Variants in TAFA1 observed in about 807,000 individuals in gnomAD.
The protein encoded by TAFA1 is chemokine-like protein TAFA-1.
A neutral mutation model predicts 18.5 loss-of-function variants in TAFA1; 4 were observed. The ratio of observed to expected loss-of-function variants is 0.22; its 90% confidence interval spans 0.11 to 0.49. TAFA1 has a LOEUF of 0.49. Among genes scored for constraint, TAFA1 ranks in the 20% least tolerant of loss-of-function variants. The pLI is 0.98. For synonymous variants in TAFA1, 56 were observed against 55.2 expected, an observed-to-expected ratio of 1.01 and a Z score of -0.06; for missense variants, 147 against 169.0, an observed-to-expected ratio of 0.87 and a Z score of 0.72.
chr3:68,238,758 G>T (rs1483289112), intron 2 of TAFA1, among the ~76,000 whole-genome samples: 1 of 151,846 alleles, frequency 6.6e-6, no homozygotes, highest in East Asian at 1.9e-4. Flanking sequence ...ACACTTTTTT[G>T]CCTAGTTCTC....
At chr3:68,210,014 T>C (rs1235063524) in intron 2 of TAFA1, among the ~76,000 whole-genome samples, 8 of 152,010 alleles carry the variant, frequency 5.3e-5, no homozygotes, top group African/African-American at 1.9e-4. Context: ...CATCACAATT[T>C]TTTTCCCCTT....
chr3:68,204,849 A>G (rs2066507863), intron 2 of TAFA1, among the ~76,000 whole-genome samples: 1 of 151,874 alleles, frequency 6.6e-6, no homozygotes, highest in Admixed American at 6.6e-5. Context: ...ACAAAGATAT[A>G]CAGTTACCTA....
intron 3 of TAFA1, among the ~76,000 whole-genome samples, chr3:68,436,815 G>C (rs1436190716): frequency 6.6e-6 from 1 of 152,090 alleles, no homozygotes; most frequent in Non-Finnish European, 1.5e-5. Context: ...AATAACCCCT[G>C]GCACTCAGGA....
At chr3:68,082,085 G>A (rs9823155) in intron 2 of TAFA1, among the ~76,000 whole-genome samples, 77,174 of 152,042 alleles carry the variant, frequency 0.51, 19,983 homozygotes, top group South Asian at 0.64. Flanking sequence ...TCCAGTTGCC[G>A]TCCGTCACCC....
chr3:68,454,825 C>G (rs986227513), intron 3 of TAFA1, among the ~76,000 whole-genome samples: 5 of 152,182 alleles, frequency 3.3e-5, no homozygotes, highest in African/African-American at 1.2e-4. Context: ...GCTAGGGTGG[C>G]ATCCAGGAAT....
At chr3:68,355,491 G>A (rs1250330306) in intron 2 of TAFA1, among the ~76,000 whole-genome samples, 1 of 151,908 alleles carries the variant, frequency 6.6e-6, no homozygotes, top group Non-Finnish European at 1.5e-5. Flanking sequence ...TATATGTGAA[G>A]GGCTTAGACA....
chr3:68,331,856 C>CTTTTTTTTTTTTT lies in TAFA1; in HGVS notation c.119-85411_119-85399dup, dbSNP rs60291932. ...TGGGTAAAGGATAGTCTTTTCTTTT[C>CTTTTTTTTTTTTT]TTTTTTTTTTTTTTTTTTTTTTTTT... On this transcript the variant is annotated intron_variant, in intron 2 of 4. Coordinates refer to ENST00000478136, the MANE Select transcript of TAFA1 (RefSeq NM_213609.4). Among the ~76,000 whole-genome samples the CTTTTTTTTTTTTT allele has an allele frequency of 5.5e-3, 418 of 76,186 alleles. 15 individuals carry two copies. The highest frequency in any genetic ancestry group is 8.7e-3 in the South Asian group (14 of 1,602). The allele number at this position is 76,186 out of a possible 152,430, so 50.0% of individuals were successfully genotyped here.
At chr3:68,458,934 C>T (rs559180689) in intron 3 of TAFA1, among the ~76,000 whole-genome samples, 7 of 152,120 alleles carry the variant, frequency 4.6e-5, no homozygotes, top group East Asian at 3.9e-4. Context: ...TATTGAGTAA[C>T]GACTTCAGGA....
chr3:68,020,780 T>C (rs1489103079), intron 2 of TAFA1, among the ~76,000 whole-genome samples: 2 of 152,176 alleles, frequency 1.3e-5, no homozygotes, highest in East Asian at 1.9e-4. Context: ...GAATACATAA[T>C]AGTTGGCCAC....
intron 2 of TAFA1, among the ~76,000 whole-genome samples, chr3:68,128,765 A>G (rs1028691561): frequency 2.0e-5 from 3 of 152,146 alleles, no homozygotes; most frequent in Non-Finnish European, 4.4e-5. Context: ...TGGGATTCCA[A>G]TTTTTCTCTT....
chr3:68,435,813 G>A (rs79545534), intron 3 of TAFA1, among the ~76,000 whole-genome samples: 1,543 of 152,276 alleles, frequency 0.01, 29 homozygotes, highest in African/African-American at 0.035. Flanking sequence ...AAGTAAGAAG[G>A]ACTGAGAATA....
intron 2 of TAFA1, among the ~76,000 whole-genome samples, chr3:68,122,312 TAGG>T (rs924425871): frequency 1.3e-4 from 20 of 152,272 alleles, no homozygotes; most frequent in Admixed American, 1.3e-3. Flanking sequence ...ACACCAACAC[TAGG>T]AGAAGTGACC....
intron 2 of TAFA1, among the ~76,000 whole-genome samples, chr3:68,264,926 T>C (rs1051742153): frequency 3.9e-5 from 6 of 152,130 alleles, no homozygotes; most frequent in African/African-American, 1.4e-4. Flanking sequence ...TAAAAAGATA[T>C]GTTAAGATTT....
intron 2 of TAFA1, among the ~76,000 whole-genome samples, chr3:68,366,231 T>TC (rs1291861393): frequency 1.3e-5 from 2 of 152,056 alleles, no homozygotes; most frequent in Non-Finnish European, 2.9e-5. Flanking sequence ...GAGCTACAAT[T>TC]CAAGATGAGA....
chr3:68,077,596 T>TTTGTC (rs1393037363), intron 2 of TAFA1, among the ~76,000 whole-genome samples: 1 of 151,810 alleles, frequency 6.6e-6, no homozygotes, highest in African/African-American at 2.4e-5. Context: ...TTTTCTCAGG[T>TTTGTC]TTGTCAAAGA....
At chr3:68,166,383 G>C (rs958349593) in intron 2 of TAFA1, among the ~76,000 whole-genome samples, 6 of 152,074 alleles carry the variant, frequency 3.9e-5, no homozygotes, top group Non-Finnish European at 7.4e-5. Flanking sequence ...AGTCTATCAT[G>C]CAATTATATT....
At chr3:68,018,759 A>G (rs1704621152) in intron 2 of TAFA1, among the ~76,000 whole-genome samples, 1 of 152,188 alleles carries the variant, frequency 6.6e-6, no homozygotes, top group Non-Finnish European at 1.5e-5. Context: ...GCATCTTCCC[A>G]CTTTTCTAGT....
intron 2 of TAFA1, among the ~76,000 whole-genome samples, chr3:68,348,598 A>G (rs1451283838): frequency 6.6e-6 from 1 of 152,130 alleles, no homozygotes; most frequent in Admixed American, 6.6e-5. Context: ...GTAAGATCCA[A>G]TTCAGGCATC....
At chr3:68,361,685 A>G (rs1169928061) in intron 2 of TAFA1, among the ~76,000 whole-genome samples, 6 of 152,104 alleles carry the variant, frequency 3.9e-5, no homozygotes, top group Non-Finnish European at 4.4e-5. Flanking sequence ...CTGTAACCCA[A>G]CAGAACTGGG....
Sources: allele counts gnomAD v4.1 joint callset (sites outside exome capture counted in the v4.1 genomes callset), GRCh38; gene constraint gnomAD v4.1.1; transcripts MANE v1.5; gene names NCBI Gene and HGNC (gene_info 2026-07-23, HGNC 2026-07-21).